Variants in POLI observed in about 807,000 individuals in gnomAD.
POLI encodes the protein DNA polymerase iota.
Under a neutral mutation model 51.6 loss-of-function variants are expected in POLI, and 58 were observed. The observed-to-expected ratio is 1.12, with a 90% CI of 0.91 to 1.40. The LOEUF (loss-of-function observed/expected upper bound fraction) is 1.40, where lower values mean the gene tolerates loss of function less well. POLI is among the 40% of genes most tolerant of loss of function. The pLI is 0.00. For missense variants in POLI, 921 were observed against 871.3 expected, an observed-to-expected ratio of 1.06 and a Z score of -0.72; for synonymous variants, 322 against 299.7, an observed-to-expected ratio of 1.07 and a Z score of -0.77.
chr18:54,321,171 C>T (rs563413262), exon 5 of POLI: 1 of 152,344 alleles, frequency 6.6e-6, no homozygotes, highest in South Asian at 2.1e-4. Flanking sequence ...TCCTCCCCCA[C>T]CTCCCTAACC....
rs1333020813 is a variant in POLI at position 54,269,529 on chromosome 18, G to C, written c.-18G>C. 1 of 1,507,250 alleles carries C rather than the reference G, an allele frequency of 6.6e-7. No individual in the cohort carries two copies. The highest frequency in any genetic ancestry group is 2.8e-5 in the East Asian group (1 of 36,018). The allele number at this position is 1,507,250 out of a possible 1,614,324, so 93.4% of individuals were successfully genotyped here. ...GGCGGAAGCGGCCGGAAGTAGCGCT[G>C]CGGTTGGCAGCGGCGGGATGGAGAA... On this transcript the variant is annotated 5_prime_UTR_variant, in exon 1 of 10. Transcript: ENST00000579534.
At chr18:54,308,157 A>G (rs2088618515) in intron 3 of POLI, among the ~76,000 whole-genome samples, 1 of 152,092 alleles carries the variant, frequency 6.6e-6, no homozygotes, top group Admixed American at 6.5e-5. Context: ...CCGTTAGTTG[A>G]TGCAGTTTCT....
chr18:54,290,038 G>A (rs12965763), intron 8 of POLI, among the ~76,000 whole-genome samples: 27,366 of 151,888 alleles, frequency 0.18, 2,547 homozygotes, highest in Middle Eastern at 0.25. Flanking sequence ...AGAGTGAACA[G>A]GCAACCTACA....
intron 1 of POLI, chr18:54,270,121 A>AC (rs1252883382): frequency 1.3e-6 from 1 of 761,118 alleles, no homozygotes; most frequent in African/African-American, 1.9e-5. Context: ...CCGGTGACCC[A>AC]CTTCCAGCTC....
intron 8 of POLI, among the ~76,000 whole-genome samples, chr18:54,290,719 T>A (rs2087968074): frequency 6.6e-6 from 1 of 152,096 alleles, no homozygotes; most frequent in South Asian, 2.1e-4. Flanking sequence ...CTCAGCAAAC[T>A]ATCACCAGGA....
chr18:54,284,045 T>A, intron 7 of POLI, 32 bp downstream of exon 7: 1 of 822,272 alleles, frequency 1.2e-6, no homozygotes, highest in Non-Finnish European at 2.0e-6. Flanking sequence ...CAAGTCATCC[T>A]ATGTATTCAT....
At chr18:54,306,007 C>A (rs1368590774) in intron 3 of POLI, among the ~76,000 whole-genome samples, 1 of 152,178 alleles carries the variant, frequency 6.6e-6, no homozygotes, top group Non-Finnish European at 1.5e-5. Context: ...ATCCGCCCGC[C>A]TCAGCCTCCC....
At chr18:54,274,574 T>C (rs1336064425) in intron 3 of POLI, among the ~76,000 whole-genome samples, 2 of 151,858 alleles carry the variant, frequency 1.3e-5, no homozygotes, top group Admixed American at 1.3e-4. Flanking sequence ...TTTATATATA[T>C]ACTAAATATT....
At chr18:54,285,486 C>G (rs763031213) in intron 7 of POLI, among the ~76,000 whole-genome samples, 2 of 150,988 alleles carry the variant, frequency 1.3e-5, no homozygotes, top group Admixed American at 6.6e-5. Flanking sequence ...AATTATAACA[C>G]CATCTAAGTG....
chr18:54,274,474 G>A (rs995491053), intron 3 of POLI, among the ~76,000 whole-genome samples: 17 of 151,932 alleles, frequency 1.1e-4, no homozygotes, highest in African/African-American at 3.9e-4. Context: ...AATTGAAAGA[G>A]GCTTCTGTAA....
intron 7 of POLI, among the ~76,000 whole-genome samples, chr18:54,286,190 C>T (rs898397415): frequency 2.6e-5 from 4 of 152,092 alleles, no homozygotes; most frequent in Admixed American, 2.6e-4. Flanking sequence ...AGATCAGAAT[C>T]TTCAAGTTGA....
At chr18:54,301,873 A>C (rs1350365629), downstream of POLI, among the ~76,000 whole-genome samples, 2 of 152,162 alleles carry the variant, frequency 1.3e-5, no homozygotes, top group Non-Finnish European at 2.9e-5. Context: ...CTTATTCTCT[A>C]AATGTTTATT....
At position 54,316,513 on chromosome 18, in the gene POLI, G is replaced by A. The variant is rs369584925; in HGVS notation, c.334-3760G>A. On this transcript the variant is annotated intron_variant, in intron 3 of 4. Transcript: ENST00000579823. ...TGGATTAGCTTGGTCATTTTATGAT[G>A]TAACATATTCTTTTTGAGTCCACAG... is the stretch of plus-strand genomic sequence containing the variant. Among the ~76,000 whole-genome samples the A allele has an allele frequency of 4.6e-5, 7 of 152,272 alleles. No homozygotes were observed. The East Asian group carries it at 5.8e-4, about 13-fold the overall frequency.
Position 54,294,138 on chromosome 18 carries a change from G to A in POLI, c.1894G>A (p.Glu632Lys). The A allele has an allele frequency of 6.2e-7, 1 of 1,610,724 alleles. No individual in the cohort carries two copies. Among genetic ancestry groups the A allele is most frequent in the Non-Finnish European group, 8.5e-7 (1 of 1,177,282 alleles). Residue 632 changes from glutamate (E) to lysine (K), a missense_variant, in exon 10 of 10, where the codon GAA becomes AAA. Coordinates refer to ENST00000579534, the MANE Select transcript of POLI (RefSeq NM_007195.3). ...SYYLDNRLKD[E>K]RISQGPKEPQ... ...TTATTTAGATAATAGATTAAAAGATGAACGAATAAGTCAAGGACCTAAAGA... is the reference window on the plus strand; with the variant it reads ...TTATTTAGATAATAGATTAAAAGATAAACGAATAAGTCAAGGACCTAAAGA...
downstream of POLI, among the ~76,000 whole-genome samples, chr18:54,299,867 G>C (rs652994): frequency 0.25 from 38,212 of 151,888 alleles, 5,019 homozygotes; most frequent in Middle Eastern, 0.3. Context: ...ACCATCCCTT[G>C]AAAAAGACAT....
chr18:54,280,471 C>T (rs1761852229), intron 4 of POLI, among the ~76,000 whole-genome samples, 196 bp from the exon 5 acceptor site: 1 of 152,200 alleles, frequency 6.6e-6, no homozygotes, highest in African/African-American at 2.4e-5. Flanking sequence ...TTGACCCCAC[C>T]TCCAACACTG....
rs780144134 is a variant in POLI, at chr18:54,277,712, A to G, written c.416A>G (p.Glu139Gly). 3.8e-6 allele frequency: 6 copies of G among 1,589,862 alleles called. No homozygotes were observed. In the Admixed American group the frequency reaches 1.1e-4, roughly 28 times the overall value. The change falls in exon 4 of 10, where the codon GAA becomes GGA. Residue 139 changes from glutamate to glycine, a missense_variant. Coordinates refer to ENST00000579534, the MANE Select transcript of POLI (RefSeq NM_007195.3). ...EMSYKVTELLEEFSPVVERLG... is the reference protein window; with the variant it reads ...EMSYKVTELLGEFSPVVERLG... Reference sequence around the variant, plus strand: ...TATTATTTCAATTTAGAATTACTGGAAGAATTTAGTCCAGTTGTTGAGAGA... The same window carrying G: ...TATTATTTCAATTTAGAATTACTGGGAGAATTTAGTCCAGTTGTTGAGAGA...
chr18:54,275,343 A>G (rs901218867), intron 3 of POLI, among the ~76,000 whole-genome samples: 1 of 139,422 alleles, frequency 7.2e-6, no homozygotes, highest in Admixed American at 7.4e-5. Context: ...AAGAAAGAGA[A>G]CCACAAGTAC....
At chr18:54,288,972 T>C (rs491557) in intron 8 of POLI, among the ~76,000 whole-genome samples, 38,466 of 152,070 alleles carry the variant, frequency 0.25, 5,086 homozygotes, top group Middle Eastern at 0.3. Context: ...CTGCTTTTCC[T>C]CCCAAATATG....
Sources: gnomAD v4.1 joint callset for allele counts (sites outside exome capture counted in the v4.1 genomes callset) on GRCh38, gnomAD v4.1.1 for gene constraint, MANE v1.5 for transcripts, NCBI Gene and HGNC (gene_info 2026-07-23, HGNC 2026-07-21) for gene names.